The following ARGFX variants were observed in gnomAD, a reference collection of about 807,000 sequenced individuals.
ARGFX encodes the protein arginine-fifty homeobox.
ARGFX carries 10 observed loss-of-function variants against 8.0 expected under a neutral mutation model. That is an observed-to-expected ratio of 1.25 (90% confidence interval 0.77 to 2.12). ARGFX has a LOEUF of 2.12. Ranked by LOEUF, ARGFX falls within the 30% of genes most tolerant of loss-of-function variation. The pLI, the probability that ARGFX is intolerant of heterozygous loss-of-function variation, is 0.00. For missense variants in ARGFX, 282 were observed against 324.3 expected (o/e 0.87, Z 1.00); for synonymous variants, 116 against 117.8 (o/e 0.98, Z 0.10).
intron 3 of ARGFX, among the ~76,000 whole-genome samples, chr3:121,577,102 A>G (rs1448562028): frequency 6.7e-6 from 1 of 150,374 alleles, no homozygotes; most frequent in African/African-American, 2.5e-5. Context: ...TCATTACAAT[A>G]GGTTTCTCAT....
intron 3 of ARGFX, among the ~76,000 whole-genome samples, chr3:121,580,744 A>G (rs2048774262): frequency 6.6e-6 from 1 of 150,896 alleles, no homozygotes; most frequent in Admixed American, 6.6e-5. Flanking sequence ...AGCTGGGATT[A>G]CAGGTGTGTG....
At chr3:121,584,184 A>C (rs936125032) in intron 3 of ARGFX, among the ~76,000 whole-genome samples, 1 of 143,652 alleles carries the variant, frequency 7.0e-6, no homozygotes, top group African/African-American at 2.6e-5. Context: ...TCTCTAAAAA[A>C]AGAGAGAGAG....
At chr3:121,578,223 G>T (rs568711934) in intron 3 of ARGFX, among the ~76,000 whole-genome samples, 2 of 150,884 alleles carry the variant, frequency 1.3e-5, no homozygotes, top group African/African-American at 4.9e-5. Context: ...TGCCTCCCAG[G>T]TTCAAGTGAT....
rs186466139 is a variant in ARGFX, at chr3:121,571,576, A to T, written c.103+760A>T. Reference sequence around the variant, plus strand: ...TAATATTATTATTATTATTATTATTATTTTTTGAGACAGTCTTGCTCTGTC... The same window carrying T: ...TAATATTATTATTATTATTATTATTTTTTTTTGAGACAGTCTTGCTCTGTC... On this transcript the variant is annotated intron_variant, in intron 2 of 4. Transcript: ENST00000334384. Among the ~76,000 whole-genome samples, 40 of 150,544 alleles carry T rather than the reference A, an allele frequency of 2.7e-4. No individual in the cohort carries two copies. The East Asian group carries it at 5.4e-3, about 21-fold the overall frequency.
intron 3 of ARGFX, among the ~76,000 whole-genome samples, chr3:121,581,484 T>C (rs1283852224): frequency 6.6e-6 from 1 of 152,214 alleles, no homozygotes; most frequent in Non-Finnish European, 1.5e-5. Flanking sequence ...TGAGAAATAC[T>C]TGATCTGCAT....
chr3:121,577,239 ATATATATATATATATATATATTT>A (rs1214261716), intron 3 of ARGFX, among the ~76,000 whole-genome samples: 3 of 61,658 alleles, frequency 4.9e-5, no homozygotes, highest in East Asian at 7.6e-4. Context: ...ATATATATAT[ATATATATATATATATATATATTT>A]TTTTTTTTTT....
Position 121,589,332 on chromosome 3 carries a change from G to A in ARGFX, c.*2732G>A, listed in dbSNP as rs962182468. Among the ~76,000 whole-genome samples, 2 of 152,146 alleles carry A rather than the reference G, an allele frequency of 1.3e-5. No individual in the cohort carries two copies. Among genetic ancestry groups the A allele is most frequent in the Non-Finnish European group, 2.9e-5 (2 of 68,008 alleles). ...CTTATATACATATTTTTTAAAAGTA[G>A]CTTTACATAGGAAGGAAGTGGCATA... is the stretch of plus-strand genomic sequence containing the variant. On this transcript the variant is annotated 3_prime_UTR_variant, in exon 5 of 5. Transcript: ENST00000334384.
At chr3:121,580,454 T>G (rs2108837606) in intron 3 of ARGFX, among the ~76,000 whole-genome samples, 2 of 152,058 alleles carry the variant, frequency 1.3e-5, no homozygotes, top group East Asian at 3.9e-4. Flanking sequence ...CTCAACCATT[T>G]CTATCAGTTC....
chr3:121,588,391 T>G lies in ARGFX; in HGVS notation c.*1791T>G, dbSNP rs969504854. Among the ~76,000 whole-genome samples, 4 of 146,960 alleles carry G rather than the reference T, an allele frequency of 2.7e-5. No homozygotes were observed. Among genetic ancestry groups the G allele is most frequent in the Non-Finnish European group, 6.0e-5 (4 of 67,184 alleles). On this transcript the variant is annotated 3_prime_UTR_variant, in exon 5 of 5. Coordinates refer to ENST00000334384, the MANE Select transcript of ARGFX (RefSeq NM_001012659.2). ...TACTCGGGAGGCTGAGGAAGGAGAA[T>G]TGCTTGAACCTGGGAGGTGGAGGTT...
chr3:121,574,953 G>A (rs1218564591), intron 2 of ARGFX, among the ~76,000 whole-genome samples: 2 of 152,202 alleles, frequency 1.3e-5, no homozygotes, highest in Non-Finnish European at 2.9e-5. Context: ...CCAAATGTAT[G>A]TACAAATTAG....
In ARGFX at chr3:121,587,387, A is replaced by G. The variant is rs1248997107; in HGVS notation, c.*787A>G. Among the ~76,000 whole-genome samples the G allele has an allele frequency of 6.6e-6, 1 of 151,806 alleles. No homozygotes were observed. Among genetic ancestry groups the G allele is most frequent in the African/African-American group, 2.4e-5 (1 of 41,332 alleles). ...TTTTTTGTAGAGACGAGGTTTTGCC[A>G]TGTTGCCCAGGCTGGTCTCCAACTC... On this transcript the variant is annotated 3_prime_UTR_variant, in exon 5 of 5. Coordinates refer to ENST00000334384, the MANE Select transcript of ARGFX (RefSeq NM_001012659.2).
intron 2 of ARGFX, among the ~76,000 whole-genome samples, chr3:121,575,392 C>A (rs1174296664): frequency 6.6e-6 from 1 of 152,024 alleles, no homozygotes; most frequent in African/African-American, 2.4e-5. Flanking sequence ...GCATCTCTTG[C>A]ATGCTTGAGG....
intron 3 of ARGFX, 132 bp from the exon 4 acceptor site, chr3:121,584,785 T>A: frequency 9.4e-7 from 1 of 1,069,428 alleles, no homozygotes; most frequent in Non-Finnish European, 1.4e-6. Flanking sequence ...ATTTTCTGGA[T>A]CCTAAGCCTG....
In ARGFX at chr3:121,586,577, A is replaced by T. The variant is rs148566270; in HGVS notation, c.925A>T (p.Met309Leu). 1.4e-4 allele frequency: 223 copies of T among 1,613,368 alleles called. 2 individuals are homozygous for T. In the East Asian group the frequency reaches 4.9e-3, roughly 35 times the overall value. ...DSLEFQKTSNMVDLGFL is the reference protein window; with the variant it reads ...DSLEFQKTSNLVDLGFL Reference sequence around the variant, plus strand: ...CCTGGAATTCCAGAAAACCTCCAATATGGTAGACTTGGGATTTCTCTGACC... The same window carrying T: ...CCTGGAATTCCAGAAAACCTCCAATTTGGTAGACTTGGGATTTCTCTGACC... The change falls in exon 5 of 5, where the codon ATG (methionine) becomes TTG (leucine). Residue 309 changes from methionine (M) to leucine (L), a missense_variant. Coordinates refer to ENST00000334384, the MANE Select transcript of ARGFX (RefSeq NM_001012659.2).
In ARGFX at chr3:121,584,204, G is replaced by GAGGAAGCAAGGAAGGAAGGAAGGA. The variant is rs1181406766; in HGVS notation, c.221-707_221-706insCAAGGAAGGAAGGAAGGAAGGAAG. Among the ~76,000 whole-genome samples, 430 of 104,310 alleles carry GAGGAAGCAAGGAAGGAAGGAAGGA rather than the reference G, an allele frequency of 4.1e-3. 15 individuals carry two copies. Among genetic ancestry groups the GAGGAAGCAAGGAAGGAAGGAAGGA allele is most frequent in the Admixed American group, 5.8e-3 (55 of 9,456 alleles). 68.4% of individuals were successfully genotyped at this position (104,310 alleles called of 152,430 possible). On this transcript the variant is annotated intron_variant, in intron 3 of 4. Coordinates refer to ENST00000334384, the MANE Select transcript of ARGFX (RefSeq NM_001012659.2). ...AAAAAAAGAGAGAGAGACAGAGAGAGAGGAAGGAAGGAAGGAAGGAAGGAA... is the reference window on the plus strand; with the variant it reads ...AAAAAAAGAGAGAGAGACAGAGAGAGAGGAAGCAAGGAAGGAAGGAAGGAAGGAAGGAAGGAAGGAAGGAAGGAA...
In ARGFX at chr3:121,588,127, A is replaced by T. The variant is rs1190915876; in HGVS notation, c.*1527A>T. Among the ~76,000 whole-genome samples the T allele has an allele frequency of 6.6e-6, 1 of 152,000 alleles. No individual in the cohort carries two copies. Among genetic ancestry groups the T allele is most frequent in the Non-Finnish European group, 1.5e-5 (1 of 68,006 alleles). ...TGACAAGTTAGCATATTTTCCAGCCACATGATCAACCTACAAAATTAATAC... is the reference window on the plus strand; with the variant it reads ...TGACAAGTTAGCATATTTTCCAGCCTCATGATCAACCTACAAAATTAATAC... On this transcript the variant is annotated 3_prime_UTR_variant, in exon 5 of 5. Coordinates refer to ENST00000334384, the MANE Select transcript of ARGFX (RefSeq NM_001012659.2).
At chr3:121,577,185 ATATG>A (rs1396006289) in intron 3 of ARGFX, among the ~76,000 whole-genome samples, 1 of 129,978 alleles carries the variant, frequency 7.7e-6, no homozygotes, top group African/African-American at 2.8e-5. Context: ...TGTTGTGTAT[ATATG>A]TATGTGTGTA....
chr3:121,582,884 T>C (rs1482291391), intron 3 of ARGFX, among the ~76,000 whole-genome samples: 1 of 151,958 alleles, frequency 6.6e-6, no homozygotes, highest in Non-Finnish European at 1.5e-5. Flanking sequence ...TTAAACATTT[T>C]CTGTAGAGAC....
chr3:121,585,182 T>G, intron 4 of ARGFX, 117 bp downstream of exon 4: 1 of 1,163,262 alleles, frequency 8.6e-7, no homozygotes, highest in South Asian at 1.6e-5. Flanking sequence ...ATTGAGTACC[T>G]ACTGAAACGG....
Sources: allele counts gnomAD v4.1 joint callset (sites outside exome capture counted in the v4.1 genomes callset), GRCh38; gene constraint gnomAD v4.1.1; transcripts MANE v1.5; gene names NCBI Gene and HGNC (gene_info 2026-07-23, HGNC 2026-07-21).